C8orf58: variants seen among roughly 807,000 people sequenced by gnomAD.
C8orf58 encodes the protein uncharacterized protein C8orf58.
A neutral mutation model predicts 36.8 loss-of-function variants in C8orf58; 31 were observed. That is an observed-to-expected ratio of 0.84 (90% CI 0.63 to 1.14). The LOEUF is 1.14. C8orf58 is among the 50% of genes most tolerant of loss of function. The pLI is 0.00. For missense variants in C8orf58, 538 were observed against 480.8 expected, an observed-to-expected ratio of 1.12 and a Z score of -1.11; for synonymous variants, 230 against 200.2, an observed-to-expected ratio of 1.15 and a Z score of -1.26.
rs1051994437 is a variant in C8orf58, at chr8:22,602,162, G to C, written c.767-38G>C. On this transcript the variant is annotated intron_variant, in intron 4 of 6. Transcript: ENST00000289989. ...CCTCTGAGCCGAAGCTTGATGGGGTGTCTTCTGGCCCTGGCCAACCTGACT... is the reference window on the plus strand; with the variant it reads ...CCTCTGAGCCGAAGCTTGATGGGGTCTCTTCTGGCCCTGGCCAACCTGACT... The C allele has an allele frequency of 1.9e-6, 3 of 1,563,754 alleles. No individual in the cohort carries two copies. The African/African-American group carries it at 4.1e-5, about 21-fold the overall frequency.
At position 22,603,592 on chromosome 8, in the gene C8orf58, T is replaced by C. The variant is rs974207199; in HGVS notation, c.*286T>C. On this transcript the variant is annotated 3_prime_UTR_variant, in exon 7 of 7. Coordinates refer to ENST00000289989, the MANE Select transcript of C8orf58 (RefSeq NM_001013842.3). ...CTCATTGTCAGGTGTCCGTGGAGTG[T>C]TTTTGGCATGGTGACCTGTCTGGGC... The C allele has an allele frequency of 6.1e-6, 3 of 488,722 alleles. No homozygotes were observed. The highest frequency in any genetic ancestry group is 3.3e-5 in the Admixed American group (1 of 30,450). The allele number at this position is 488,722 out of a possible 1,614,324, so 30.3% of individuals were successfully genotyped here.
Position 22,602,536 on chromosome 8 carries a change from G to C in C8orf58, c.880-1G>C, listed in dbSNP as rs1051772764. 5.6e-6 allele frequency: 9 copies of C among 1,611,424 alleles called. No homozygotes were observed. Among genetic ancestry groups the C allele is most frequent in the Non-Finnish European group, 7.6e-6 (9 of 1,178,382 alleles). ...TGGGTGACCCCTCATCCTCTGCTCA[G>C]CGGGATATCTCCCACTGGGACAAGG... On this transcript the variant is annotated splice_acceptor_variant, in intron 5 of 6. Coordinates refer to ENST00000289989, the MANE Select transcript of C8orf58 (RefSeq NM_001013842.3). LOFTEE classifies it high-confidence loss of function.
At position 22,599,886 on chromosome 8, in the gene C8orf58, C is replaced by T. The variant is rs369412454; in HGVS notation, c.40+126C>T. ...CGCACCCCGCGGGCGGAGCCCGCGCCGCTGCGCCTCCCTCGCCGCCTCCCT... is the reference window on the plus strand; with the variant it reads ...CGCACCCCGCGGGCGGAGCCCGCGCTGCTGCGCCTCCCTCGCCGCCTCCCT... On this transcript the variant is annotated intron_variant, in intron 1 of 6. Transcript: ENST00000289989. The T allele has an allele frequency of 1.7e-4, 72 of 418,922 alleles. 1 individual carries two copies. In the South Asian group the frequency reaches 7.8e-3, roughly 45 times the overall value. 26.0% of individuals were successfully genotyped at this position (418,922 alleles called of 1,614,324 possible).
chr8:22,601,293 G>A lies in C8orf58; in HGVS notation c.452G>A (p.Gly151Glu). 6.2e-7 allele frequency: 1 copy of A among 1,607,750 alleles called. No homozygotes were observed. Among genetic ancestry groups the A allele is most frequent in the Non-Finnish European group, 8.5e-7 (1 of 1,176,424 alleles). Residue 151 changes from glycine (G) to glutamate (E), a missense_variant, in exon 2 of 7, where the codon GGA (glycine) becomes GAA (glutamate). Gly to Glu is a moderately conservative substitution (Grantham distance 98). Transcript: ENST00000289989. ...ASKPEREVPLGAGQQESMEAD... is the reference protein window; with the variant it reads ...ASKPEREVPLEAGQQESMEAD... The stretch of plus-strand genomic sequence containing the variant: ...AAGCCTGAGCGTGAAGTGCCCCTTG[G>A]AGCAGGGCAACAGGAGTCCATGGAG...
rs1800877036 is a variant in C8orf58 at position 22,601,981 on chromosome 8, G to A, written c.667G>A (p.Glu223Lys). 5.1e-6 allele frequency: 8 copies of A among 1,555,342 alleles called. No individual in the cohort carries two copies. The highest frequency in any genetic ancestry group is 2.3e-5 in the East Asian group (1 of 44,088). Residue 223 changes from glutamate (E) to lysine (K), a missense_variant, in exon 4 of 7, where the codon GAG (glutamate) becomes AAG (lysine). Transcript: ENST00000289989. ...RIQRPPGDPG[E>K]EESTRAPLPS... Reference sequence around the variant, plus strand: ...TCTCTCCTGTGCATAGGATCCCGGCGAGGAGGAGTCGACCCGAGCCCCTTT... The same window carrying A: ...TCTCTCCTGTGCATAGGATCCCGGCAAGGAGGAGTCGACCCGAGCCCCTTT...
chr8:22,601,563 G>A, intron 2 of C8orf58, 149 bp from the exon 3 acceptor site: 2 of 1,080,232 alleles, frequency 1.9e-6, no homozygotes, highest in African/African-American at 1.6e-5. Context: ...CTGGCACTAT[G>A]CCCCGCTGGG....
Position 22,599,603 on chromosome 8 carries a change from C to G in C8orf58, c.-118C>G. 1 of 255,780 alleles carries G rather than the reference C, an allele frequency of 3.9e-6. No homozygotes were observed. 15.8% of individuals were successfully genotyped at this position (255,780 alleles called of 1,614,324 possible). On this transcript the variant is annotated 5_prime_UTR_variant, in exon 1 of 7. Coordinates refer to ENST00000289989, the MANE Select transcript of C8orf58 (RefSeq NM_001013842.3). ...GCCCCCCCAGCCCCGCTGGGAGTGT[C>G]TGGGGGCCGCGCCCAGCTGGGTCGG...
In C8orf58 at chr8:22,601,058, A is replaced by G; in HGVS notation, c.217A>G (p.Met73Val). 1.2e-6 allele frequency: 2 copies of G among 1,612,794 alleles called. No individual in the cohort carries two copies. Among genetic ancestry groups the G allele is most frequent in the South Asian group, 2.2e-5 (2 of 91,074 alleles). The change falls in exon 2 of 7, where the codon ATG becomes GTG. Residue 73 changes from methionine (M) to valine (V), a missense_variant. Met to Val is a conservative substitution (Grantham distance 21). Coordinates refer to ENST00000289989, the MANE Select transcript of C8orf58 (RefSeq NM_001013842.3). ...KLASRDSGVE[M>V]AVGDSPLAAL... ...GGCCTCCCGGGACTCAGGAGTGGAG[A>G]TGGCAGTTGGGGACAGCCCCCTGGC...
In C8orf58 at chr8:22,601,303, A is replaced by G. The variant is rs747755623; in HGVS notation, c.462A>G (p.Gln154=). ...GTGAAGTGCCCCTTGGAGCAGGGCA[A>G]CAGGAGTCCATGGAGGCAGACACAG... The part of the protein sequence containing the change: ...PEREVPLGAG[Q]QESMEADTDL... The change falls in exon 2 of 7, where the codon CAA becomes CAG. Residue 154 remains glutamine (Q), a synonymous_variant. Coordinates refer to ENST00000289989, the MANE Select transcript of C8orf58 (RefSeq NM_001013842.3). 6.2e-6 allele frequency: 10 copies of G among 1,603,920 alleles called. No homozygotes were observed. Among genetic ancestry groups the G allele is most frequent in the Non-Finnish European group, 8.5e-7 (1 of 1,173,404 alleles).
chr8:22,601,379 G>A (rs1221525113), intron 2 of C8orf58, 22 bp downstream of exon 2: 2 of 1,510,536 alleles, frequency 1.3e-6, no homozygotes, highest in Non-Finnish European at 8.9e-7. Context: ...CTCTCAGGCT[G>A]GGTTTAAGAG....
At chr8:22,602,337 AGGTGGTGGGCTGG>A in intron 5 of C8orf58, 25 bp downstream of exon 5, 1 of 248,198 alleles carries the variant, frequency 4.0e-6, no homozygotes, top group Non-Finnish European at 7.0e-6. Context: ...TATGTGGGGC[AGGTGGTGGGCTGG>A]GGTGGGGGGA....
Position 22,599,774 on chromosome 8 carries a change from C to A in C8orf58, c.40+14C>A. 1 of 1,209,354 alleles carries A rather than the reference C, an allele frequency of 8.3e-7. No homozygotes were observed. Among genetic ancestry groups the A allele is most frequent in the Non-Finnish European group, 1.0e-6 (1 of 970,570 alleles). The allele number at this position is 1,209,354 out of a possible 1,614,324, so 74.9% of individuals were successfully genotyped here. A position where few individuals can be genotyped will look rare whatever the true frequency, so the allele number is the denominator to read the frequency against. ...TGGACGGCCGGGGTGAGTCACCCAC[C>A]CCCAGGCTGGCCGGGCTCCCCCCTG... On this transcript the variant is annotated intron_variant, in intron 1 of 6. Transcript: ENST00000289989.
intron 6 of C8orf58, 74 bp from the exon 7 acceptor site, chr8:22,603,121 C>A (rs746706558): frequency 1.3e-5 from 15 of 1,150,472 alleles, no homozygotes; most frequent in Non-Finnish European, 2.0e-5. Context: ...AGATAAACCA[C>A]GTTCTCTCAA....
At chr8:22,601,631 T>A in intron 2 of C8orf58, 81 bp from the exon 3 acceptor site, 1 of 1,481,970 alleles carries the variant, frequency 6.7e-7, no homozygotes, top group Non-Finnish European at 9.1e-7. Context: ...TCCCATCTGC[T>A]GGCTGAGCCC....
intron 6 of C8orf58, 41 bp from the exon 7 acceptor site, chr8:22,603,154 A>C (rs1189983458): frequency 1.4e-6 from 2 of 1,460,332 alleles, no homozygotes; most frequent in East Asian, 4.5e-5. Flanking sequence ...TGTTAGTTTT[A>C]TTTCCCCCTT....
intron 1 of C8orf58, 100 bp from the exon 2 acceptor site, chr8:22,600,782 T>G (rs190526383): frequency 1.9e-6 from 2 of 1,035,284 alleles, no homozygotes. Flanking sequence ...CCTTCCTCAC[T>G]GCTCCGGGAC....
At position 22,603,846 on chromosome 8, in the gene C8orf58, G is replaced by C; in HGVS notation, c.*540G>C. ...TGCTGGCAGCCCTGGGACAGAGAAC[G>C]GTGTGGCTTTGGCTGCCTCTGCATG... On this transcript the variant is annotated 3_prime_UTR_variant, in exon 7 of 7. Coordinates refer to ENST00000289989, the MANE Select transcript of C8orf58 (RefSeq NM_001013842.3). 1 of 202,974 alleles carries C rather than the reference G, an allele frequency of 4.9e-6. No individual in the cohort carries two copies. Among genetic ancestry groups the C allele is most frequent in the Non-Finnish European group, 1.0e-5 (1 of 97,502 alleles). 12.6% of individuals were successfully genotyped at this position (202,974 alleles called of 1,614,324 possible). A position where few individuals can be genotyped will look rare whatever the true frequency, so the allele number is the denominator to read the frequency against.
At position 22,603,728 on chromosome 8, in the gene C8orf58, A is replaced by C; in HGVS notation, c.*422A>C. 3.2e-6 allele frequency: 1 copy of C among 316,484 alleles called. No homozygotes were observed. Among genetic ancestry groups the C allele is most frequent in the Non-Finnish European group, 6.2e-6 (1 of 160,470 alleles). The allele number at this position is 316,484 out of a possible 1,614,324, so 19.6% of individuals were successfully genotyped here. ...CATCTCTTCTGAAATAATGCATCCA[A>C]AGGGTTGATATTCTGGGGGAGGTCA... On this transcript the variant is annotated 3_prime_UTR_variant, in exon 7 of 7. Coordinates refer to ENST00000289989, the MANE Select transcript of C8orf58 (RefSeq NM_001013842.3).
rs557361550 is a variant in C8orf58, at chr8:22,600,964, C to T, written c.123C>T (p.His41=). The T allele has an allele frequency of 7.4e-6, 12 of 1,612,668 alleles. No individual in the cohort carries two copies. In the South Asian group the frequency reaches 7.7e-5, roughly 10 times the overall value. ...STYRRIPDAA[H]GCSSWERGDK... ...ACAGACGGATCCCCGACGCTGCCCACGGGTGCTCATCCTGGGAGAGAGGTG... is the reference window on the plus strand; with the variant it reads ...ACAGACGGATCCCCGACGCTGCCCATGGGTGCTCATCCTGGGAGAGAGGTG... The change falls in exon 2 of 7, where the codon CAC becomes CAT. Residue 41 remains histidine (H), a synonymous_variant. Coordinates refer to ENST00000289989, the MANE Select transcript of C8orf58 (RefSeq NM_001013842.3).
Sources: gnomAD v4.1 joint callset for allele counts on GRCh38, gnomAD v4.1.1 for gene constraint, MANE v1.5 for transcripts, NCBI Gene and HGNC (gene_info 2026-07-23, HGNC 2026-07-21) for gene names.